DAAM1: variants seen among roughly 807,000 people sequenced by gnomAD.
DAAM1 encodes the protein disheveled-associated activator of morphogenesis 1.
Under a neutral mutation model 130.0 loss-of-function variants are expected in DAAM1, and 52 were observed. That is an observed-to-expected ratio of 0.40 (90% CI 0.32 to 0.50). The LOEUF (loss-of-function observed/expected upper bound fraction) is 0.50, where lower values mean the gene tolerates loss of function less well. Among genes scored for constraint, DAAM1 ranks in the 20% least tolerant of loss-of-function variants. DAAM1 has a pLI of 0.61. For synonymous variants in DAAM1, 452 were observed against 444.5 expected, an observed-to-expected ratio of 1.02 and a Z score of -0.21; for missense variants, 1,134 against 1,303.8, an observed-to-expected ratio of 0.87 and a Z score of 2.01.
intron 1 of DAAM1, among the ~76,000 whole-genome samples, chr14:59,245,758 A>T (rs535923828): frequency 1.3e-5 from 2 of 152,158 alleles, no homozygotes; most frequent in South Asian, 2.1e-4. Flanking sequence ...TTGTAAATTG[A>T]TGACAAATTT....
intron 3 of DAAM1, among the ~76,000 whole-genome samples, chr14:59,292,299 A>G (rs980340945): frequency 6.6e-6 from 1 of 152,184 alleles, no homozygotes; most frequent in African/African-American, 2.4e-5. Flanking sequence ...ATATTTTTTC[A>G]AGACACCACT....
In DAAM1 at chr14:59,217,911, C is replaced by T. The variant is rs1888639375; in HGVS notation, c.-38+29143C>T. Among the ~76,000 whole-genome samples the T allele has an allele frequency of 2.0e-5, 3 of 151,636 alleles. No individual in the cohort carries two copies. In the South Asian group the frequency reaches 6.3e-4, roughly 32 times the overall value. On this transcript the variant is annotated intron_variant, in intron 1 of 24. Coordinates refer to ENST00000360909, the MANE Select transcript of DAAM1 (RefSeq NM_001270520.2). ...CTGAGGCAGGAAAATCACTTGAACC[C>T]AGGAGGCGGAGGTTGCACGCCACTG...
intron 23 of DAAM1, among the ~76,000 whole-genome samples, chr14:59,366,396 G>GTGAT (rs1308377742): frequency 6.6e-6 from 1 of 152,198 alleles, no homozygotes; most frequent in East Asian, 1.9e-4. Flanking sequence ...AGCATTATTT[G>GTGAT]TGATTGGGAA....
At chr14:59,337,637 T>C (rs1885677902) in intron 15 of DAAM1, among the ~76,000 whole-genome samples, 1 of 152,206 alleles carries the variant, frequency 6.6e-6, no homozygotes, top group African/African-American at 2.4e-5. Context: ...CCTTTTTCAT[T>C]CCAAGTCTTT....
At chr14:59,228,254 G>A (rs534514881) in intron 1 of DAAM1, among the ~76,000 whole-genome samples, 2 of 151,990 alleles carry the variant, frequency 1.3e-5, no homozygotes, top group African/African-American at 2.4e-5. Context: ...AAATAATTAC[G>A]GTGGTTTTCA....
In DAAM1 at chr14:59,284,865, A is replaced by C. The variant is rs78929014; in HGVS notation, c.184-6352A>C. 5.6e-3 allele frequency among the ~76,000 whole-genome samples: 852 copies of C among 152,284 alleles called. 8 individuals carry two copies. Among genetic ancestry groups the C allele is most frequent in the African/African-American group, 0.019 (774 of 41,570 alleles). ...GCATTTCAGAAAGAAAAGAGAGATCAAGCAACTTGGAAAATATATTTGAGG... is the reference window on the plus strand; with the variant it reads ...GCATTTCAGAAAGAAAAGAGAGATCCAGCAACTTGGAAAATATATTTGAGG... On this transcript the variant is annotated intron_variant, in intron 2 of 24. Transcript: ENST00000360909.
chr14:59,212,263 T>C (rs17095879), intron 1 of DAAM1, among the ~76,000 whole-genome samples: 24,155 of 152,224 alleles, frequency 0.16, 2,372 homozygotes, highest in East Asian at 0.33. Flanking sequence ...AGTATAGTCA[T>C]CTGGTCGGGA....
chr14:59,336,769 G>T (rs1166589135), intron 15 of DAAM1, among the ~76,000 whole-genome samples: 2 of 152,164 alleles, frequency 1.3e-5, no homozygotes, highest in African/African-American at 4.8e-5. Context: ...GGAATAAGTG[G>T]ACTTGATCAT....
chr14:59,289,769 T>TATATATATATATATATATATATATAC (rs1160677661), intron 2 of DAAM1, among the ~76,000 whole-genome samples: 1 of 60,138 alleles, frequency 1.7e-5, no homozygotes, highest in Non-Finnish European at 4.7e-5. Flanking sequence ...CAAAATGTGA[T>TATATATATATATATATATATATATAC]ATATATATAT....
chr14:59,199,045 G>A (rs1353309945), intron 1 of DAAM1, among the ~76,000 whole-genome samples: 1 of 152,122 alleles, frequency 6.6e-6, no homozygotes, highest in East Asian at 1.9e-4. Context: ...AATGGAGATC[G>A]GTGAGGGAGA....
chr14:59,331,882 G>A lies in DAAM1; in HGVS notation c.1930G>A (p.Asp644Asn), dbSNP rs202092651. ...TKVFKILDLE[D>N]LERTFSAYQR... ...AGTCTTCAAAATTCTAGATCTTGAA[G>A]ACCTGGAAAGAACCTTCTCTGCCTA... The change falls in exon 15 of 25, where the codon GAC becomes AAC. Residue 644 changes from aspartate to asparagine, a missense_variant. Physicochemically the swap from Asp to Asn is conservative, Grantham distance 23. This residue lies in a region of DAAM1 where 644 missense variants were observed against 695.9 expected (regional missense o/e 0.93). Transcript: ENST00000360909. 1.2e-6 allele frequency: 2 copies of A among 1,614,132 alleles called. No individual in the cohort carries two copies. The highest frequency in any genetic ancestry group is 2.2e-5 in the East Asian group (1 of 44,880).
chr14:59,250,541 TAG>T (rs998050739), intron 1 of DAAM1, among the ~76,000 whole-genome samples: 1 of 152,204 alleles, frequency 6.6e-6, no homozygotes, highest in African/African-American at 2.4e-5. Context: ...GGTGTATACT[TAG>T]AGTTTTAATG....
At chr14:59,220,425 G>A (rs893343104) in intron 1 of DAAM1, among the ~76,000 whole-genome samples, 1 of 152,138 alleles carries the variant, frequency 6.6e-6, no homozygotes, top group South Asian at 2.1e-4. Context: ...TTCTGTATTA[G>A]AAATAAGTTT....
At chr14:59,257,274 T>C (rs1473533151) in intron 1 of DAAM1, among the ~76,000 whole-genome samples, 1 of 152,080 alleles carries the variant, frequency 6.6e-6, no homozygotes, top group Non-Finnish European at 1.5e-5. Context: ...ATTTATACTT[T>C]TGCATTCAAC....
At chr14:59,364,762 A>G (rs1409741276) in intron 23 of DAAM1, among the ~76,000 whole-genome samples, 1 of 152,230 alleles carries the variant, frequency 6.6e-6, no homozygotes, top group African/African-American at 2.4e-5. Context: ...GGCTGTTCAC[A>G]TGCATTAGCT....
chr14:59,237,300 A>T (rs1889334402), intron 1 of DAAM1, among the ~76,000 whole-genome samples: 2 of 152,218 alleles, frequency 1.3e-5, no homozygotes, highest in Admixed American at 1.3e-4. Context: ...AAAGAGAGAC[A>T]TCCCGCCAGG....
At chr14:59,297,354 A>G (rs1012833560) in intron 3 of DAAM1, among the ~76,000 whole-genome samples, 1 of 152,206 alleles carries the variant, frequency 6.6e-6, no homozygotes, top group Non-Finnish European at 1.5e-5. Flanking sequence ...TATTCCAGAA[A>G]GTGATAAGAG....
chr14:59,364,329 GT>G (rs968836137), intron 23 of DAAM1, among the ~76,000 whole-genome samples: 222 of 144,268 alleles, frequency 1.5e-3, no homozygotes, highest in African/African-American at 3.5e-3. Flanking sequence ...ATTACAAGAG[GT>G]TTTTTTTTTT....
chr14:59,242,364 G>C (rs192095623), intron 1 of DAAM1, among the ~76,000 whole-genome samples: 1 of 152,148 alleles, frequency 6.6e-6, no homozygotes, highest in Admixed American at 6.5e-5. Flanking sequence ...AATAATAATA[G>C]TAACAACAAC....
Sources: gnomAD v4.1 joint callset for allele counts (sites outside exome capture counted in the v4.1 genomes callset) on GRCh38, gnomAD v4.1.1 for gene constraint, gnomAD v4.1.1 regional missense constraint, MANE v1.5 for transcripts, NCBI Gene and HGNC (gene_info 2026-07-23, HGNC 2026-07-21) for gene names.